The following CNBD2 variants were observed in gnomAD, a reference collection of about 807,000 sequenced individuals.
CNBD2 encodes the protein cyclic nucleotide binding domain containing 2.
Under a neutral mutation model 63.7 loss-of-function variants are expected in CNBD2, and 64 were observed. That is an observed-to-expected ratio of 1.00 (90% CI 0.82 to 1.24). The LOEUF is 1.24. Among genes scored for constraint, CNBD2 ranks in the 50% most tolerant of loss-of-function variants. The pLI is 0.00. For synonymous variants in CNBD2, 229 were observed against 255.4 expected, an observed-to-expected ratio of 0.90 and a Z score of 0.99; for missense variants, 691 against 713.5, an observed-to-expected ratio of 0.97 and a Z score of 0.36.
Position 35,989,087 on chromosome 20 carries a change from G to A in CNBD2, c.855+1554G>A, listed in dbSNP as rs548742546. Among the ~76,000 whole-genome samples the A allele has an allele frequency of 2.6e-5, 4 of 152,294 alleles. No individual in the cohort carries two copies. In the South Asian group the frequency reaches 8.3e-4, roughly 32 times the overall value. On this transcript the variant is annotated intron_variant, in intron 7 of 11. Transcript: ENST00000373973. ...TTTTAGTCTCTATAGCCCGGAGGAG[G>A]TTAGTATTGTCATTATTCCCATTTT...
At chr20:35,964,259 C>A (rs2056328407), upstream of CNBD2, among the ~76,000 whole-genome samples, 1 of 152,014 alleles carries the variant, frequency 6.6e-6, no homozygotes, top group Admixed American at 6.6e-5. Context: ...CGGCTCACCA[C>A]AACTTCCGCC....
At chr20:35,959,808 C>T (rs1012804139), downstream of CNBD2, among the ~76,000 whole-genome samples, 3 of 152,170 alleles carry the variant, frequency 2.0e-5, no homozygotes, top group African/African-American at 7.2e-5. Context: ...GATTGGGATT[C>T]AAACCCACGT....
At chr20:35,956,309 C>T (rs944855135), downstream of CNBD2, among the ~76,000 whole-genome samples, 5 of 152,110 alleles carry the variant, frequency 3.3e-5, no homozygotes, top group African/African-American at 1.2e-4. Context: ...TAGTTGCTGA[C>T]ATGTAAAAAT....
chr20:35,990,368 C>T (rs1232390528), intron 7 of CNBD2, among the ~76,000 whole-genome samples: 1 of 152,230 alleles, frequency 6.6e-6, no homozygotes, highest in Admixed American at 6.5e-5. Context: ...CCGTGGCTCA[C>T]ACCTGTAATC....
chr20:35,958,442 ATAAG>A (rs895403381), downstream of CNBD2, among the ~76,000 whole-genome samples: 1 of 152,230 alleles, frequency 6.6e-6, no homozygotes, highest in African/African-American at 2.4e-5. Flanking sequence ...AAAAAAATAA[ATAAG>A]TTTTTTATTT....
At chr20:35,960,803 C>G (rs2056302550) in intron 2 of CNBD2, among the ~76,000 whole-genome samples, 1 of 136,904 alleles carries the variant, frequency 7.3e-6, no homozygotes, top group Non-Finnish European at 1.5e-5. Context: ...CTTCTCTTCC[C>G]TTCTCTTCCC....
chr20:35,996,145 C>T (rs2056821150), intron 8 of CNBD2, among the ~76,000 whole-genome samples: 1 of 152,316 alleles, frequency 6.6e-6, no homozygotes, highest in Admixed American at 6.5e-5. Context: ...AAGTACTCTT[C>T]TGTGTTATAT....
rs545840945 is a variant in CNBD2 at position 36,008,908 on chromosome 20, C to T, written c.1148+434C>T. Among the ~76,000 whole-genome samples, 257 of 146,088 alleles carry T rather than the reference C, an allele frequency of 1.8e-3. 2 individuals carry two copies. The highest frequency in any genetic ancestry group is 6.6e-3 in the African/African-American group (235 of 35,692). ...CCTGGCTTGGCCACTTATTTTAGCTCTTATTTTAGAGGTCAAGGGACTTGA... is the reference window on the plus strand; with the variant it reads ...CCTGGCTTGGCCACTTATTTTAGCTTTTATTTTAGAGGTCAAGGGACTTGA... On this transcript the variant is annotated intron_variant, in intron 9 of 11. Transcript: ENST00000373973.
chr20:35,970,699 G>A (rs899531878), intron 1 of CNBD2, among the ~76,000 whole-genome samples: 1 of 151,816 alleles, frequency 6.6e-6, no homozygotes, highest in African/African-American at 2.4e-5. Flanking sequence ...TGCCAGAGCT[G>A]TTTGTTTGTT....
At chr20:35,994,191 G>T (rs1053230024) in intron 7 of CNBD2, among the ~76,000 whole-genome samples, 3 of 151,846 alleles carry the variant, frequency 2.0e-5, no homozygotes, top group Non-Finnish European at 2.9e-5. Flanking sequence ...TCAGCCTCCC[G>T]AATAGCTGGG....
chr20:35,996,036 T>C (rs183198492), intron 8 of CNBD2, among the ~76,000 whole-genome samples: 1 of 152,308 alleles, frequency 6.6e-6, no homozygotes, highest in African/African-American at 2.4e-5. Flanking sequence ...GATCTTAGAC[T>C]ACACATTCTT....
intron 2 of CNBD2, among the ~76,000 whole-genome samples, chr20:35,975,742 C>T (rs747156141): frequency 1.3e-5 from 2 of 152,052 alleles, no homozygotes; most frequent in Non-Finnish European, 2.9e-5. Context: ...TCTGCCTTCA[C>T]AATAATATGC....
chr20:35,979,778 A>G lies in CNBD2; in HGVS notation c.244-681A>G, dbSNP rs138730608. On this transcript the variant is annotated intron_variant, in intron 3 of 11. Coordinates refer to ENST00000373973, the MANE Select transcript of CNBD2 (RefSeq NM_001365709.1). ...CAGGGGACAAATATTCCAGGCAGAA[A>G]AAAACAGCCCAGGCAGAGACCTCAA... is the stretch of plus-strand genomic sequence containing the variant. Among the ~76,000 whole-genome samples the G allele has an allele frequency of 4.0e-3, 615 of 152,328 alleles. 8 individuals are homozygous for G. The highest frequency in any genetic ancestry group is 0.014 in the African/African-American group (591 of 41,560).
chr20:35,957,340 A>G (rs371970200), downstream of CNBD2, among the ~76,000 whole-genome samples: 10 of 152,316 alleles, frequency 6.6e-5, no homozygotes, highest in East Asian at 9.7e-4. Context: ...TAATCCCAGC[A>G]CTTTGGGAGG....
intron 10 of CNBD2, among the ~76,000 whole-genome samples, chr20:36,014,081 G>T (rs1370055439): frequency 2.0e-5 from 3 of 150,842 alleles, no homozygotes; most frequent in African/African-American, 7.3e-5. Context: ...TACTCAGGAG[G>T]CTGAGGCAGG....
intron 10 of CNBD2, among the ~76,000 whole-genome samples, chr20:36,019,777 G>A (rs1484903629): frequency 6.6e-6 from 1 of 152,154 alleles, no homozygotes; most frequent in African/African-American, 2.4e-5. Flanking sequence ...GATCCCAGGT[G>A]CTTTGGGATG....
chr20:36,011,192 C>A lies in CNBD2; in HGVS notation c.1204C>A (p.Leu402Ile). Reference protein sequence around the residue: ...CAMINIKPGELPKEAAVGAYV... With the variant: ...CAMINIKPGEIPKEAAVGAYV... Reference sequence around the variant, plus strand: ...CATGATCAATATCAAGCCTGGTGAGCTCCCCAAGGAGGCTGCAGTGGGGGC... The same window carrying A: ...CATGATCAATATCAAGCCTGGTGAGATCCCCAAGGAGGCTGCAGTGGGGGC... The change falls in exon 10 of 12, where the codon CTC (leucine) becomes ATC (isoleucine). Residue 402 changes from leucine (L) to isoleucine (I), a missense_variant. By Grantham distance (5) the Leu-to-Ile change is conservative (BLOSUM62 2). Transcript: ENST00000373973. The A allele has an allele frequency of 6.3e-7, 1 of 1,599,224 alleles. No homozygotes were observed. Among genetic ancestry groups the A allele is most frequent in the South Asian group, 1.1e-5 (1 of 88,572 alleles).
chr20:36,021,833 C>T (rs2057212582), intron 10 of CNBD2, among the ~76,000 whole-genome samples: 1 of 152,096 alleles, frequency 6.6e-6, no homozygotes, highest in South Asian at 2.1e-4. Context: ...CATCTCCCTT[C>T]CAGATAGAAC....
At chr20:36,021,787 C>T (rs780897490) in intron 10 of CNBD2, among the ~76,000 whole-genome samples, 2 of 152,166 alleles carry the variant, frequency 1.3e-5, no homozygotes, top group African/African-American at 2.4e-5. Flanking sequence ...GCGGATTGCA[C>T]CCTTCATCAC....
Sources: allele counts gnomAD v4.1 joint callset (sites outside exome capture counted in the v4.1 genomes callset), GRCh38; gene constraint gnomAD v4.1.1; transcripts MANE v1.5; gene names NCBI Gene and HGNC (gene_info 2026-07-23, HGNC 2026-07-21).